Variants in FARP1 observed in about 807,000 individuals in gnomAD.
The protein encoded by FARP1 is FERM, ARH/RhoGEF and pleckstrin domain protein 1.
A neutral mutation model predicts 128.8 loss-of-function variants in FARP1; 52 were observed. The ratio of observed to expected loss-of-function variants is 0.40; its 90% CI spans 0.32 to 0.51. The LOEUF is 0.51. FARP1 is among the 20% of genes least tolerant of loss of function. FARP1 has a pLI of 0.45. For synonymous variants in FARP1, 580 were observed against 551.8 expected, an observed-to-expected ratio of 1.05 and a Z score of -0.72; for missense variants, 1,333 against 1,367.9, an observed-to-expected ratio of 0.97 and a Z score of 0.40.
intron 24 of FARP1, 30 bp from the exon 25 acceptor site, chr13:98,446,068 G>A: frequency 6.7e-7 from 1 of 1,503,382 alleles, no homozygotes; most frequent in Non-Finnish European, 9.3e-7. Flanking sequence ...GGTGCCCGCT[G>A]TGCTTCTCAC....
chr13:98,395,938 GA>G, intron 13 of FARP1: 1 of 399,390 alleles, frequency 2.5e-6, no homozygotes, highest in Non-Finnish European at 4.4e-6. Flanking sequence ...CTATGTTTCG[GA>G]AAATGGACAT....
intron 2 of FARP1, among the ~76,000 whole-genome samples, chr13:98,273,962 T>C (rs1410576231): frequency 2.0e-5 from 3 of 152,164 alleles, no homozygotes; most frequent in South Asian, 2.1e-4. Context: ...TCAGTTTTTG[T>C]TTAAAAATGA....
At chr13:98,292,053 G>A (rs973665357) in intron 2 of FARP1, among the ~76,000 whole-genome samples, 2 of 152,234 alleles carry the variant, frequency 1.3e-5, no homozygotes, top group African/African-American at 4.8e-5. Context: ...GAAGCAAAAT[G>A]TAATTATCTT....
intron 2 of FARP1, among the ~76,000 whole-genome samples, chr13:98,252,824 A>G (rs1883409837): frequency 6.6e-6 from 1 of 152,224 alleles, no homozygotes; most frequent in Non-Finnish European, 1.5e-5. Context: ...TCAGCGACCC[A>G]GTGAGCCCCG....
At chr13:98,394,737 G>A (rs1377245628) in intron 12 of FARP1, among the ~76,000 whole-genome samples, 3 of 152,112 alleles carry the variant, frequency 2.0e-5, no homozygotes, top group Admixed American at 6.5e-5. Flanking sequence ...GAGTTCAAGC[G>A]CAGCCTGGAC....
At chr13:98,393,178 C>A (rs181618783) in intron 11 of FARP1, among the ~76,000 whole-genome samples, 1 of 152,202 alleles carries the variant, frequency 6.6e-6, no homozygotes, top group Non-Finnish European at 1.5e-5. Context: ...TCTGAACTTA[C>A]CGCTTTGATA....
At chr13:98,357,285 C>G (rs558425542) in intron 3 of FARP1, among the ~76,000 whole-genome samples, 49 of 152,222 alleles carry the variant, frequency 3.2e-4, no homozygotes, top group Middle Eastern at 3.4e-3. Flanking sequence ...ATCTGCCTTC[C>G]TTTCAATTGA....
intron 2 of FARP1, among the ~76,000 whole-genome samples, chr13:98,286,213 T>G (rs1302466802): frequency 5.9e-5 from 9 of 152,148 alleles, no homozygotes; most frequent in African/African-American, 2.2e-4. Flanking sequence ...ATCCTGCGTC[T>G]CGTTATCTGC....
At chr13:98,408,056 G>GA (rs1334437706) in intron 13 of FARP1, among the ~76,000 whole-genome samples, 27 of 152,198 alleles carry the variant, frequency 1.8e-4, no homozygotes, top group Admixed American at 1.8e-3. Flanking sequence ...GGGAAATTGA[G>GA]AAAGCGCTGA....
At chr13:98,184,507 A>G (rs1208605918) in intron 1 of FARP1, among the ~76,000 whole-genome samples, 3 of 152,196 alleles carry the variant, frequency 2.0e-5, no homozygotes, top group Admixed American at 2.0e-4. Context: ...TTCATACTAT[A>G]TTAACATGTA....
At chr13:98,222,827 G>A (rs1367459194) in intron 2 of FARP1, among the ~76,000 whole-genome samples, 5 of 144,294 alleles carry the variant, frequency 3.5e-5, no homozygotes, top group Non-Finnish European at 7.5e-5. Flanking sequence ...AAGTAGACAT[G>A]GGGTTTCACC....
chr13:98,244,525 G>T (rs762245450), intron 2 of FARP1: 4 of 1,614,094 alleles, frequency 2.5e-6, no homozygotes, highest in Admixed American at 3.3e-5. Flanking sequence ...AAAGCCACCG[G>T]CTCCTCCTGG....
At chr13:98,331,301 TG>T (rs2139827554) in intron 2 of FARP1, among the ~76,000 whole-genome samples, 1 of 152,366 alleles carries the variant, frequency 6.6e-6, no homozygotes, top group African/African-American at 2.4e-5. Flanking sequence ...GTTCGTATTT[TG>T]TCCTACTCTA....
At chr13:98,358,249 G>A (rs112207944) in intron 3 of FARP1, among the ~76,000 whole-genome samples, 6,497 of 151,766 alleles carry the variant, frequency 0.043, 165 homozygotes, top group Middle Eastern at 0.095. Flanking sequence ...GGATTTGGCC[G>A]CATCCTACCT....
chr13:98,343,220 CAG>C (rs1888043974), intron 2 of FARP1, among the ~76,000 whole-genome samples: 1 of 152,118 alleles, frequency 6.6e-6, no homozygotes, highest in Admixed American at 6.5e-5. Flanking sequence ...AGCTGGAACA[CAG>C]AGGAGTTTTA....
chr13:98,250,450 C>T (rs182963459), intron 2 of FARP1, among the ~76,000 whole-genome samples: 8 of 152,212 alleles, frequency 5.3e-5, no homozygotes, highest in Non-Finnish European at 2.9e-5. Context: ...GGGCCGGGCA[C>T]GGTGGCTCAC....
intron 1 of FARP1, among the ~76,000 whole-genome samples, chr13:98,204,802 G>C (rs1880166891): frequency 6.6e-6 from 1 of 152,086 alleles, no homozygotes; most frequent in African/African-American, 2.4e-5. Flanking sequence ...CATACTAACT[G>C]GTGGTGGTGG....
At chr13:98,251,692 A>G (rs913758856) in intron 2 of FARP1, among the ~76,000 whole-genome samples, 2 of 151,988 alleles carry the variant, frequency 1.3e-5, no homozygotes, top group African/African-American at 2.4e-5. Context: ...CAAAAAAAAA[A>G]AAAAGAAAAA....
intron 1 of FARP1, among the ~76,000 whole-genome samples, chr13:98,206,060 GT>G (rs950172906): frequency 2.0e-5 from 3 of 151,932 alleles, no homozygotes; most frequent in African/African-American, 7.3e-5. Context: ...CTTTGTAAAG[GT>G]TTTTTTGTTT....
Sources: allele counts gnomAD v4.1 joint callset (sites outside exome capture counted in the v4.1 genomes callset), GRCh38; gene constraint gnomAD v4.1.1; transcripts MANE v1.5; gene names NCBI Gene and HGNC (gene_info 2026-07-23, HGNC 2026-07-21).